The following DNAH9 variants were observed in gnomAD, a reference collection of about 807,000 sequenced individuals.
DNAH9 encodes the protein dynein axonemal heavy chain 9.
In DNAH9, 345 loss-of-function variants were observed where a neutral mutation model predicts 471.6. The observed-to-expected ratio is 0.73, with a 90% CI of 0.67 to 0.80. The LOEUF is 0.80. Among genes scored for constraint, DNAH9 ranks in the 30% least tolerant of loss-of-function variants. The pLI, the probability that DNAH9 is intolerant of heterozygous loss-of-function variation, is 0.00. For missense variants in DNAH9, 5,407 were observed against 5,609.2 expected, an observed-to-expected ratio of 0.96 and a Z score of 1.15; for synonymous variants, 2,093 against 2,123.6, an observed-to-expected ratio of 0.99 and a Z score of 0.40.
rs368322611 is a variant in DNAH9 at position 11,962,061 on chromosome 17, G to C, written c.13038G>C (p.Leu4346=). The C allele has an allele frequency of 1.2e-6, 2 of 1,614,090 alleles. No homozygotes were observed. The highest frequency in any genetic ancestry group is 1.3e-5 in the African/African-American group (1 of 74,942). The change falls in exon 68 of 69, where the codon CTG becomes CTC. Residue 4346 remains leucine (L), a synonymous_variant. Coordinates refer to ENST00000262442, the MANE Select transcript of DNAH9 (RefSeq NM_001372.4). The surrounding 1 kb of genome is among the most constrained non-coding windows in gnomAD (Gnocchi z 4.1). The stretch of plus-strand genomic sequence containing the variant: ...TTACAATGCCCTCCACTGTGTGGCT[G>C]ACAGGCTTCTTCAACCCCCAGTCGT... ...GDFTMPSTVW[L]TGFFNPQSFL... is the part of the protein sequence containing the mutation.
intron 67 of DNAH9, among the ~76,000 whole-genome samples, chr17:11,958,698 G>T (rs74670400): frequency 0.011 from 1,609 of 151,054 alleles, 31 homozygotes; most frequent in African/African-American, 0.037. Context: ...CTCTGTACTT[G>T]CTGCTCAATT....
intron 59 of DNAH9, among the ~76,000 whole-genome samples, chr17:11,897,788 TA>T (rs1233596239): frequency 6.6e-6 from 1 of 152,244 alleles, no homozygotes; most frequent in Non-Finnish European, 1.5e-5. Context: ...GAGTAAATGC[TA>T]AACCAATGGA....
intron 36 of DNAH9, 53 bp downstream of exon 36, chr17:11,763,667 A>G: frequency 6.5e-7 from 1 of 1,541,260 alleles, no homozygotes; most frequent in South Asian, 1.2e-5. Flanking sequence ...AGCAGCAAAA[A>G]CTGATCCTTT....
intron 5 of DNAH9, among the ~76,000 whole-genome samples, chr17:11,619,188 A>G (rs2072805192): frequency 2.0e-5 from 3 of 152,210 alleles, no homozygotes; most frequent in Admixed American, 2.0e-4. Context: ...CAGAAAAATA[A>G]TTATGGTCCA....
At chr17:11,611,541 AAGCACCCCGAGGCAG>A (rs2072636690) in intron 3 of DNAH9, 94 bp from the exon 4 acceptor site, 1 of 1,137,770 alleles carries the variant, frequency 8.8e-7, no homozygotes, top group African/African-American at 1.5e-5. Context: ...GCCTCTGTGG[AAGCACCCCGAGGCAG>A]GGCTCCTCTC....
intron 67 of DNAH9, among the ~76,000 whole-genome samples, chr17:11,957,450 T>C (rs1231257162): frequency 6.6e-6 from 1 of 150,744 alleles, no homozygotes; most frequent in African/African-American, 2.4e-5. Context: ...AGAAGAAACA[T>C]AAGACTCTGG....
chr17:11,787,909 C>T (rs1391784749), intron 41 of DNAH9, among the ~76,000 whole-genome samples: 1 of 152,182 alleles, frequency 6.6e-6, no homozygotes, highest in African/African-American at 2.4e-5. Context: ...TGAGGCCTCC[C>T]CAGTCATGTG....
At chr17:11,769,417 C>A in intron 38 of DNAH9, 88 bp downstream of exon 38, 1 of 1,234,388 alleles carries the variant, frequency 8.1e-7, no homozygotes, top group Non-Finnish European at 1.1e-6. Context: ...AGGTGCCTGC[C>A]TGACTTGAGT....
intron 63 of DNAH9, among the ~76,000 whole-genome samples, chr17:11,931,049 C>T (rs1335895456): frequency 5.3e-5 from 8 of 152,222 alleles, no homozygotes; most frequent in Admixed American, 5.2e-4. Flanking sequence ...AAGTCTGCGG[C>T]CCAGGCCTCT....
At chr17:11,692,631 T>G (rs566883236) in intron 20 of DNAH9, among the ~76,000 whole-genome samples, 1 of 152,052 alleles carries the variant, frequency 6.6e-6, no homozygotes, top group African/African-American at 2.4e-5. Flanking sequence ...CTTCAGGGAG[T>G]CCTCAAGGTC....
chr17:11,675,378 A>G (rs1405275620), intron 17 of DNAH9, among the ~76,000 whole-genome samples: 1 of 152,076 alleles, frequency 6.6e-6, no homozygotes, highest in African/African-American at 2.4e-5. Flanking sequence ...ATCATCTACT[A>G]ATTTATGATA....
intron 1 of DNAH9, among the ~76,000 whole-genome samples, chr17:11,601,338 GAGAA>G (rs1309421968): frequency 3.1e-5 from 4 of 129,260 alleles, no homozygotes; most frequent in African/African-American, 8.5e-5. Context: ...GGGAAGAAGA[GAGAA>G]AGGAAGGAGG....
chr17:11,939,476 A>G (rs1020153732), intron 66 of DNAH9, among the ~76,000 whole-genome samples: 1 of 152,174 alleles, frequency 6.6e-6, no homozygotes, highest in South Asian at 2.1e-4. Context: ...GCTGTGTGGG[A>G]CACGTGTGCA....
rs778670254 is a variant in DNAH9 at position 11,617,540 on chromosome 17, T to C, written c.1034T>C (p.Ile345Thr). The C allele has an allele frequency of 1.7e-5, 28 of 1,613,988 alleles. No individual in the cohort carries two copies. The highest frequency in any genetic ancestry group is 2.4e-5 in the Non-Finnish European group (28 of 1,180,006). ...LRPLLHVVCL[I>T]WATCKSYRSP... Reference sequence around the variant, plus strand: ...CCCCTGCTCCACGTGGTCTGTCTGATTTGGGCCACATGCAAGTCCTACCGC... The same window carrying C: ...CCCCTGCTCCACGTGGTCTGTCTGACTTGGGCCACATGCAAGTCCTACCGC... Residue 345 changes from isoleucine to threonine, a missense_variant, in exon 5 of 69, where the codon ATT becomes ACT. Ile to Thr is a moderately conservative substitution (Grantham distance 89). Transcript: ENST00000262442.
In DNAH9 at chr17:11,902,781, C is replaced by G; in HGVS notation, c.11469C>G (p.Ser3823Arg). 1 of 1,613,978 alleles carries G rather than the reference C, an allele frequency of 6.2e-7. No individual in the cohort carries two copies. Among genetic ancestry groups the G allele is most frequent in the Non-Finnish European group, 8.5e-7 (1 of 1,179,880 alleles). ...LDRDIEGSAK[S>R]WKKFVESECP... is the part of the protein sequence containing the mutation. ...GGGACATAGAGGGATCTGCTAAGAGCTGGAAAAAGTTTGTGGAGTCCGAAT... is the reference window on the plus strand; with the variant it reads ...GGGACATAGAGGGATCTGCTAAGAGGTGGAAAAAGTTTGTGGAGTCCGAAT... The change falls in exon 60 of 69, where the codon AGC becomes AGG. Residue 3823 changes from serine (S) to arginine (R), a missense_variant. Transcript: ENST00000262442.
intron 24 of DNAH9, among the ~76,000 whole-genome samples, chr17:11,702,954 G>A (rs570107367): frequency 3.3e-5 from 5 of 152,022 alleles, no homozygotes; most frequent in Non-Finnish European, 4.4e-5. Flanking sequence ...TTAGCCAGGC[G>A]TGGTGGTGGG....
At chr17:11,637,784 CTG>C (rs1316133683) in intron 9 of DNAH9, among the ~76,000 whole-genome samples, 1 of 151,962 alleles carries the variant, frequency 6.6e-6, no homozygotes, top group Admixed American at 6.6e-5. Context: ...GAAGAAGAGA[CTG>C]TAACTCTTCC....
chr17:11,730,313 C>A (rs1000575607), intron 28 of DNAH9, among the ~76,000 whole-genome samples: 2 of 152,124 alleles, frequency 1.3e-5, no homozygotes, highest in Non-Finnish European at 2.9e-5. Context: ...ATGAAAGCTG[C>A]CAAATTCTAC....
rs116418257 is a variant in DNAH9, at chr17:11,853,458, C to G, written c.9508-545C>G. On this transcript the variant is annotated intron_variant, in intron 49 of 68. Transcript: ENST00000262442. ...CTCTGAGCAAAGGACAAACCCAGGA[C>G]CAGGCAGAGCAGCTGACTCACAGGC... Among the ~76,000 whole-genome samples, 1,275 of 152,262 alleles carry G rather than the reference C, an allele frequency of 8.4e-3. 19 individuals carry two copies. Among genetic ancestry groups the G allele is most frequent in the African/African-American group, 0.029 (1,213 of 41,546 alleles).
Sources: allele counts gnomAD v4.1 joint callset (sites outside exome capture counted in the v4.1 genomes callset), GRCh38; gene constraint gnomAD v4.1.1; non-coding constraint Gnocchi (gnomAD v3.1); transcripts MANE v1.5; gene names NCBI Gene and HGNC (gene_info 2026-07-23, HGNC 2026-07-21).